TRIP13: variants seen among roughly 807,000 people sequenced by gnomAD.
The protein encoded by TRIP13 is thyroid hormone receptor interactor 13.
A neutral mutation model predicts 54.4 loss-of-function variants in TRIP13; 25 were observed. The observed-to-expected ratio is 0.46, with a 90% CI of 0.33 to 0.64. TRIP13 has a LOEUF of 0.64. TRIP13 is among the 30% of genes least tolerant of loss of function. The pLI, the probability that TRIP13 is intolerant of heterozygous loss-of-function variation, is 0.02. For missense variants in TRIP13, 373 were observed against 534.2 expected (o/e 0.70, Z 2.97); for synonymous variants, 207 against 207.8 (o/e 1.00, Z 0.03).
intron 4 of TRIP13, 107 bp from the exon 5 acceptor site, chr5:901,234 T>C (rs1753981198): frequency 1.0e-6 from 1 of 956,750 alleles, no homozygotes; most frequent in East Asian, 2.5e-5. Flanking sequence ...CCTCGCTCCC[T>C]GTGCTCCCTC....
intron 10 of TRIP13, among the ~76,000 whole-genome samples, chr5:914,129 CA>C (rs1754295777): frequency 6.6e-6 from 1 of 152,184 alleles, no homozygotes; most frequent in Admixed American, 6.5e-5. Flanking sequence ...GGTGGCATAA[CA>C]GACTGGACTG....
intron 5 of TRIP13, among the ~76,000 whole-genome samples, chr5:903,808 C>T (rs1018238904): frequency 6.6e-6 from 1 of 152,096 alleles, no homozygotes; most frequent in Non-Finnish European, 1.5e-5. Context: ...GGGACAAGGA[C>T]AGGTGTCAGC....
At chr5:914,857 C>A (rs913781716) in intron 11 of TRIP13, among the ~76,000 whole-genome samples, 2 of 152,060 alleles carry the variant, frequency 1.3e-5, no homozygotes, top group African/African-American at 2.4e-5. Context: ...ACGACACTTA[C>A]AAGGATTCGC....
At position 917,219 on chromosome 5, in the gene TRIP13, C is replaced by G; in HGVS notation, c.*116C>G. ...TTCTGCAAACCAAACGTTACTTAGA[C>G]TGCAAGCTAGAAAGCCACCAAGGCC... is the stretch of plus-strand genomic sequence containing the variant. On this transcript the variant is annotated 3_prime_UTR_variant, in exon 13 of 13. Transcript: ENST00000166345. 1.1e-6 allele frequency: 1 copy of G among 945,878 alleles called. No homozygotes were observed. The allele number at this position is 945,878 out of a possible 1,614,324, so 58.6% of individuals were successfully genotyped here.
chr5:896,564 A>G, intron 2 of TRIP13, 101 bp from the exon 3 acceptor site: 1 of 1,278,752 alleles, frequency 7.8e-7, no homozygotes, highest in South Asian at 1.5e-5. Flanking sequence ...ATTATACTGT[A>G]CATTCAGTTT....
rs757508562 is a variant in TRIP13, at chr5:908,405, A to T, written c.810A>T (p.Pro270=). The change falls in exon 9 of 13, where the codon CCA becomes CCT. Residue 270 remains proline, a synonymous_variant. Coordinates refer to ENST00000166345, the MANE Select transcript of TRIP13 (RefSeq NM_004237.4). This position sits in a 1 kb window ranked among gnomAD's most constrained non-coding sequence, Gnocchi z 5.2. ...ARNACRAGTE[P]SDAIRVVNAV... ...ATGCCTGCAGGGCGGGCACCGAGCC[A>T]TCAGATGCCATCCGCGTGGTCAATG... is the stretch of plus-strand genomic sequence containing the variant. The T allele has an allele frequency of 6.2e-7, 1 of 1,613,646 alleles. No individual in the cohort carries two copies. Among genetic ancestry groups the T allele is most frequent in the Non-Finnish European group, 8.5e-7 (1 of 1,180,030 alleles).
chr5:896,681 C>T lies in TRIP13; in HGVS notation c.275C>T (p.Ala92Val). 1.2e-6 allele frequency: 2 copies of T among 1,613,038 alleles called. No individual in the cohort carries two copies. Residue 92 changes from alanine (A) to valine (V), a missense_variant, in exon 3 of 13, where the codon GCA (alanine) becomes GTA (valine). This residue lies in a region of TRIP13 where 151 missense variants were observed against 151.9 expected (regional missense o/e 0.99). Coordinates refer to ENST00000166345, the MANE Select transcript of TRIP13 (RefSeq NM_004237.4). ...TCATTTTAGCCCATCGATTTGAGTG[C>T]ATGCACTGTTGCACTTCACATTTTC... The part of the protein sequence containing the change: ...VKDSQPIDLS[A>V]CTVALHIFQL...
Position 907,609 on chromosome 5 carries a change from G to A in TRIP13, c.673-379G>A, listed in dbSNP as rs1405260524. On this transcript the variant is annotated intron_variant, in intron 7 of 12. Transcript: ENST00000166345. The surrounding 1 kb of genome is among the most constrained non-coding windows in gnomAD (Gnocchi z 4.1). ...CACATCCCTCTGGTGAGGTGAGGTG[G>A]GACCAGGCACGCTGGGCACAGGAGA... Among the ~76,000 whole-genome samples, 1 of 152,216 alleles carries A rather than the reference G, an allele frequency of 6.6e-6. No homozygotes were observed. The highest frequency in any genetic ancestry group is 1.5e-5 in the Non-Finnish European group (1 of 68,048).
Position 907,926 on chromosome 5 carries a change from C to CCCCTGTGCA in TRIP13, c.673-59_673-51dup. The CCCCTGTGCA allele has an allele frequency of 1.3e-6, 2 of 1,553,244 alleles. No homozygotes were observed. Among genetic ancestry groups the CCCCTGTGCA allele is most frequent in the East Asian group, 4.5e-5 (2 of 44,594 alleles). On this transcript the variant is annotated intron_variant, in intron 7 of 12. Transcript: ENST00000166345. The surrounding 1 kb of genome is among the most constrained non-coding windows in gnomAD (Gnocchi z 4.1). ...TGGGGCAGCAGGCCACATCAGGGTCCCCCTGTGCACCTGGCAGTGTGGTCC... is the reference window on the plus strand; with the variant it reads ...TGGGGCAGCAGGCCACATCAGGGTCCCCCTGTGCACCCTGTGCACCTGGCAGTGTGGTCC...
In TRIP13 at chr5:896,664, G is replaced by A; in HGVS notation, c.259-1G>A. 6.2e-7 allele frequency: 1 copy of A among 1,605,870 alleles called. No homozygotes were observed. The highest frequency in any genetic ancestry group is 8.5e-7 in the Non-Finnish European group (1 of 1,174,254). ...CGATATTGGCTTTTCCCTCATTTTA[G>A]CCCATCGATTTGAGTGCATGCACTG... On this transcript the variant is annotated splice_acceptor_variant, in intron 2 of 12. Transcript: ENST00000166345. LOFTEE classifies it high-confidence loss of function.
In TRIP13 at chr5:908,802, C is replaced by CA. The variant is rs1754171234; in HGVS notation, c.866+347dup. 1 of 469,542 alleles carries CA rather than the reference C, an allele frequency of 2.1e-6. No homozygotes were observed. Among genetic ancestry groups the CA allele is most frequent in the South Asian group, 4.0e-5 (1 of 24,764 alleles). 29.1% of individuals were successfully genotyped at this position (469,542 alleles called of 1,614,324 possible). ...TGAAACCCTGTCTCTACTAAAAATA[C>CA]AAAAAATTAGCTGGGCATGATGGCG... On this transcript the variant is annotated intron_variant, in intron 9 of 12. Coordinates refer to ENST00000166345, the MANE Select transcript of TRIP13 (RefSeq NM_004237.4). This position sits in a 1 kb window ranked among gnomAD's most constrained non-coding sequence, Gnocchi z 5.2.
At position 912,131 on chromosome 5, in the gene TRIP13, A is replaced by G; in HGVS notation, c.1020+135A>G. On this transcript the variant is annotated intron_variant, in intron 10 of 12. Transcript: ENST00000166345. The surrounding 1 kb of genome is among the most constrained non-coding windows in gnomAD (Gnocchi z 7.2). ...GCATTAACTCCCTTCTTAAATTGAA[A>G]ACTAGTTTTGTATGTGACAGGTTGA... 1.2e-5 allele frequency: 14 copies of G among 1,200,384 alleles called. 1 individual carries two copies. Among genetic ancestry groups the G allele is most frequent in the South Asian group, 7.9e-5 (5 of 63,652 alleles). The allele number at this position is 1,200,384 out of a possible 1,614,324, so 74.4% of individuals were successfully genotyped here. A position where few individuals can be genotyped will look rare whatever the true frequency, so the allele number is the denominator to read the frequency against.
At chr5:916,889 A>G (rs1754352365) in intron 12 of TRIP13, 119 bp from the exon 13 acceptor site, 2 of 772,234 alleles carry the variant, frequency 2.6e-6, no homozygotes, top group Non-Finnish European at 4.1e-6. Context: ...TGCTCACCTT[A>G]TCAGCTACCA....
intron 5 of TRIP13, among the ~76,000 whole-genome samples, chr5:903,216 G>A (rs1013710462): frequency 2.0e-5 from 3 of 152,120 alleles, no homozygotes; most frequent in African/African-American, 4.8e-5. Flanking sequence ...ATTAGACCAC[G>A]GTCAGCTTGG....
chr5:909,420 AGCAGACTGAACTGT>A (rs1754184058), intron 9 of TRIP13, among the ~76,000 whole-genome samples: 1 of 152,224 alleles, frequency 6.6e-6, no homozygotes, highest in Admixed American at 6.5e-5. Context: ...GTGGGGTGAC[AGCAGACTGAACTGT>A]GCAGAGGAAC....
Position 907,387 on chromosome 5 carries a change from C to G in TRIP13, c.672+194C>G, listed in dbSNP as rs1263400144. On this transcript the variant is annotated intron_variant, in intron 7 of 12. Coordinates refer to ENST00000166345, the MANE Select transcript of TRIP13 (RefSeq NM_004237.4). This position sits in a 1 kb window ranked among gnomAD's most constrained non-coding sequence, Gnocchi z 4.1. ...GGACCCTCCCTTGGTTCTCCCCAGA[C>G]CTGTGACTGGGTGGGACAGGACAAT... 6.6e-6 allele frequency among the ~76,000 whole-genome samples: 1 copy of G among 152,192 alleles called. No homozygotes were observed. Among genetic ancestry groups the G allele is most frequent in the African/African-American group, 2.4e-5 (1 of 41,428 alleles).
intron 1 of TRIP13, among the ~76,000 whole-genome samples, chr5:893,915 T>A (rs1439508488): frequency 6.6e-6 from 1 of 152,052 alleles, no homozygotes; most frequent in Admixed American, 6.5e-5. Context: ...CAGAGACACC[T>A]GTACACAGTG....
In TRIP13 at chr5:901,379, C is replaced by A; in HGVS notation, c.483C>A (p.Asp161Glu). 6.2e-7 allele frequency: 1 copy of A among 1,614,200 alleles called. No individual in the cohort carries two copies. The highest frequency in any genetic ancestry group is 8.5e-7 in the Non-Finnish European group (1 of 1,180,030). Reference sequence around the variant, plus strand: ...TGATGACAACTTTACTGTTTTCAGACAAGAACGTCAACAGCAACCTCATCA... The same window carrying A: ...TGATGACAACTTTACTGTTTTCAGAAAAGAACGTCAACAGCAACCTCATCA... ...DYVMTTLLFS[D>E]KNVNSNLITW... Residue 161 changes from aspartate (D) to glutamate (E), a missense_variant, in exon 5 of 13, where the codon GAC becomes GAA. By Grantham distance (45) the Asp-to-Glu change is conservative. This residue lies in a region of TRIP13 where 119 missense variants were observed against 223.0 expected (regional missense o/e 0.53). Transcript: ENST00000166345.
At chr5:903,582 A>G (rs1754043119) in intron 5 of TRIP13, among the ~76,000 whole-genome samples, 1 of 152,094 alleles carries the variant, frequency 6.6e-6, no homozygotes, top group Admixed American at 6.6e-5. Flanking sequence ...CGCCCACATC[A>G]TGCTAGGGGA....
Sources: allele counts gnomAD v4.1 joint callset (sites outside exome capture counted in the v4.1 genomes callset), GRCh38; gene constraint gnomAD v4.1.1; regional missense constraint gnomAD v4.1.1; non-coding constraint Gnocchi (gnomAD v3.1); transcripts MANE v1.5; gene names NCBI Gene and HGNC (gene_info 2026-07-23, HGNC 2026-07-21).